SPAG9: variants seen among roughly 807,000 people sequenced by gnomAD.
SPAG9 encodes C-Jun-amino-terminal kinase-interacting protein 4.
SPAG9 carries 35 observed loss-of-function variants against 166.5 expected under a neutral mutation model. That is an observed-to-expected ratio of 0.21 (90% CI 0.16 to 0.28). The LOEUF (loss-of-function observed/expected upper bound fraction) is 0.28, where lower values mean the gene tolerates loss of function less well. SPAG9 is among the 10% of genes least tolerant of loss of function. SPAG9 has a pLI of 1.00. For synonymous variants in SPAG9, 534 were observed against 565.5 expected (o/e 0.94, Z 0.79); for missense variants, 1,235 against 1,603.3 (o/e 0.77, Z 3.92).
At chr17:50,976,937 T>C in intron 27 of SPAG9, 171 bp downstream of exon 27, 1 of 545,150 alleles carries the variant, frequency 1.8e-6, no homozygotes, top group Non-Finnish European at 3.3e-6. Context: ...TTGGTCTTGA[T>C]ACATGAAAAC....
chr17:51,054,310 T>C (rs2047296541), intron 3 of SPAG9, among the ~76,000 whole-genome samples: 1 of 151,236 alleles, frequency 6.6e-6, no homozygotes, highest in African/African-American at 2.4e-5. Context: ...TTTGGTAGAG[T>C]CGGGGTTTCA....
chr17:50,974,389 C>A (rs934816438), intron 28 of SPAG9, among the ~76,000 whole-genome samples: 1 of 152,162 alleles, frequency 6.6e-6, no homozygotes, highest in African/African-American at 2.4e-5. Flanking sequence ...TATTAAGCTG[C>A]TAAAGGTACC....
chr17:50,971,553 C>T (rs1444245985), intron 28 of SPAG9, among the ~76,000 whole-genome samples: 3 of 149,368 alleles, frequency 2.0e-5, no homozygotes, highest in Non-Finnish European at 3.0e-5. Flanking sequence ...CTGCAACCTC[C>T]GCCTCCCGGG....
intron 4 of SPAG9, 80 bp from the exon 5 acceptor site, chr17:51,041,731 G>A (rs1252150211): frequency 7.6e-7 from 1 of 1,311,166 alleles, no homozygotes; most frequent in East Asian, 2.3e-5. Context: ...AATAAGCCTG[G>A]ACTGCCACTG....
At chr17:51,006,437 T>G (rs964679016) in intron 10 of SPAG9, among the ~76,000 whole-genome samples, 200 bp from the exon 11 acceptor site, 1 of 152,134 alleles carries the variant, frequency 6.6e-6, no homozygotes, top group Non-Finnish European at 1.5e-5. Flanking sequence ...ATCAAATGAA[T>G]AAAACAAGAC....
At chr17:51,046,472 C>G (rs2047024031) in intron 4 of SPAG9, 1 of 1,485,704 alleles carries the variant, frequency 6.7e-7, no homozygotes, top group Non-Finnish European at 9.1e-7. Context: ...ACCAGCTAAG[C>G]AGGGGCTTCT....
At chr17:51,014,534 G>A (rs2045619915) in intron 8 of SPAG9, 181 bp from the exon 9 acceptor site, 1 of 494,992 alleles carries the variant, frequency 2.0e-6, no homozygotes, top group African/African-American at 2.0e-5. Context: ...AAGCTCCATG[G>A]AAATAGCTGG....
intron 20 of SPAG9, 50 bp from the exon 21 acceptor site, chr17:50,989,922 T>C (rs1373403942): frequency 6.6e-7 from 1 of 1,504,956 alleles, no homozygotes; most frequent in African/African-American, 1.4e-5. Context: ...TCTCCTCCAA[T>C]TATTTCCCCA....
chr17:51,085,364 G>A (rs1388155047), intron 1 of SPAG9: 1 of 152,170 alleles, frequency 6.6e-6, no homozygotes, highest in Non-Finnish European at 1.5e-5. Context: ...TTCAGCTTCA[G>A]AAGATGGATA....
chr17:51,004,477 T>G (rs1188991132), intron 12 of SPAG9, among the ~76,000 whole-genome samples: 1 of 152,162 alleles, frequency 6.6e-6, no homozygotes, highest in East Asian at 1.9e-4. Context: ...GTGGCTCACA[T>G]CTGTAATCCC....
chr17:50,972,070 T>A (rs1014504936), intron 28 of SPAG9, among the ~76,000 whole-genome samples: 1 of 152,142 alleles, frequency 6.6e-6, no homozygotes, highest in Non-Finnish European at 1.5e-5. Flanking sequence ...CCTGGTCTCT[T>A]AAAAATTTTT....
At chr17:51,016,494 T>C (rs2045702687) in intron 8 of SPAG9, among the ~76,000 whole-genome samples, 2 of 152,236 alleles carry the variant, frequency 1.3e-5, no homozygotes, top group East Asian at 3.8e-4. Context: ...TATTGGGGAC[T>C]TTTACATTTA....
At chr17:51,104,994 G>A (rs1003240454) in intron 1 of SPAG9, among the ~76,000 whole-genome samples, 4 of 150,222 alleles carry the variant, frequency 2.7e-5, no homozygotes, top group African/African-American at 9.8e-5. Context: ...TACTCGGGAG[G>A]CTGAGGCAGG....
At chr17:51,086,511 G>C (rs1394605504) in intron 1 of SPAG9, among the ~76,000 whole-genome samples, 2 of 151,844 alleles carry the variant, frequency 1.3e-5, no homozygotes, top group African/African-American at 4.8e-5. Context: ...AAATTAGCCA[G>C]GCATGGTGGC....
intron 2 of SPAG9, among the ~76,000 whole-genome samples, chr17:51,056,987 C>CA (rs1392579289): frequency 2.0e-5 from 3 of 151,608 alleles, no homozygotes; most frequent in East Asian, 3.9e-4. Context: ...GTAGTGCTCA[C>CA]AGAGTACAAC....
intron 1 of SPAG9, among the ~76,000 whole-genome samples, chr17:51,082,858 C>T (rs1206856574): frequency 6.6e-6 from 1 of 152,068 alleles, no homozygotes; most frequent in Non-Finnish European, 1.5e-5. Context: ...GGGGAACTTT[C>T]TCTCTCCAGT....
intron 9 of SPAG9, among the ~76,000 whole-genome samples, chr17:51,012,664 A>G (rs1017489571): frequency 5.3e-5 from 8 of 152,098 alleles, no homozygotes; most frequent in African/African-American, 1.7e-4. Flanking sequence ...TAATGGTGAC[A>G]ATCCCTTTCT....
chr17:50,984,932 T>C lies in SPAG9; in HGVS notation c.3079A>G (p.Arg1027Gly). The change falls in exon 24 of 30, where the codon AGA becomes GGA. Residue 1027 changes from arginine to glycine, a missense_variant. Arg to Gly is a moderately radical substitution (Grantham distance 125, BLOSUM62 -2). Transcript: ENST00000262013. Reference sequence around the variant, plus strand: ...ACACATCACCACTCACCCACTCCTCTGTGAAAGATTGCAAGGGTGCCGTCA... The same window carrying C: ...ACACATCACCACTCACCCACTCCTCCGTGAAAGATTGCAAGGGTGCCGTCA... ...LADGTLAIFH[R>G]GVDGQWDLSN... The C allele has an allele frequency of 6.2e-7, 1 of 1,613,990 alleles. No individual in the cohort carries two copies. The highest frequency in any genetic ancestry group is 1.7e-4 in the Middle Eastern group (1 of 6,060).
At chr17:50,970,169 A>C (rs1973671033) in intron 29 of SPAG9, among the ~76,000 whole-genome samples, 1 of 152,194 alleles carries the variant, frequency 6.6e-6, no homozygotes, top group Non-Finnish European at 1.5e-5. Context: ...CTTCACATTG[A>C]CCACATCCTG....
Sources: gnomAD v4.1 joint callset for allele counts (sites outside exome capture counted in the v4.1 genomes callset) on GRCh38, gnomAD v4.1.1 for gene constraint, MANE v1.5 for transcripts, NCBI Gene and HGNC (gene_info 2026-07-23, HGNC 2026-07-21) for gene names.